Variants in IL1RAPL2 observed in about 807,000 individuals in gnomAD.
IL1RAPL2 encodes the protein interleukin 1 receptor accessory protein like 2, also known as X-linked interleukin-1 receptor accessory protein-like 2.
A neutral mutation model predicts 44.1 loss-of-function variants in IL1RAPL2; 3 were observed. The observed-to-expected ratio is 0.07, with a 90% CI of 0.03 to 0.18. IL1RAPL2 has a LOEUF of 0.18. Among genes scored for constraint, IL1RAPL2 ranks in the 10% least tolerant of loss-of-function variants. IL1RAPL2 has a pLI of 1.00. For missense variants in IL1RAPL2, 391 were observed against 496.4 expected, an observed-to-expected ratio of 0.79 and a Z score of 2.02; for synonymous variants, 181 against 178.8, an observed-to-expected ratio of 1.01 and a Z score of -0.10.
intron 2 of IL1RAPL2, among the ~76,000 whole-genome samples, chrX:105,032,392 C>T (rs1291586082): frequency 4.6e-5 from 5 of 108,530 alleles, no homozygotes; most frequent in Admixed American, 2.0e-4. Flanking sequence ...CTACACACTG[C>T]TTTGAATGTG....
At chrX:105,731,227 A>G (rs145753335) in intron 7 of IL1RAPL2, among the ~76,000 whole-genome samples, 1,645 of 111,478 alleles carry the variant, frequency 0.015, 8 homozygotes, top group Non-Finnish European at 0.023. Context: ...AAAGATTATC[A>G]GAAACTACTA....
chrX:105,230,023 T>A (rs903389188), intron 3 of IL1RAPL2, among the ~76,000 whole-genome samples: 4 of 111,832 alleles, frequency 3.6e-5, no homozygotes, highest in African/African-American at 1.3e-4. Context: ...GGTCTCAATC[T>A]CCTGACCTCG....
chrX:104,797,743 G>A (rs990964734), intron 2 of IL1RAPL2, among the ~76,000 whole-genome samples: 2 of 112,039 alleles, frequency 1.8e-5, no homozygotes, highest in Non-Finnish European at 3.8e-5. Flanking sequence ...AGTATTGCTG[G>A]TTAGCCTTCT....
intron 2 of IL1RAPL2, among the ~76,000 whole-genome samples, chrX:104,721,351 A>G (rs1256954856): frequency 9.0e-6 from 1 of 111,246 alleles, no homozygotes; most frequent in Non-Finnish European, 1.9e-5. Context: ...ATGCAGCTAT[A>G]GGAGGGAGTG....
At position 105,542,576 on chromosome X, in the gene IL1RAPL2, G is replaced by C. The variant is rs5962546; in HGVS notation, c.772+58189G>C. 1.9e-3 allele frequency among the ~76,000 whole-genome samples: 209 copies of C among 110,956 alleles called. 2 individuals carry two copies. The highest frequency in any genetic ancestry group is 6.6e-3 in the African/African-American group (203 of 30,656). ...TCCTTTCTTCCCCTTTCCCAGAGGTGTAGTGGAAGAGAAAGGGTGGGATCA... is the reference window on the plus strand; with the variant it reads ...TCCTTTCTTCCCCTTTCCCAGAGGTCTAGTGGAAGAGAAAGGGTGGGATCA... On this transcript the variant is annotated intron_variant, in intron 6 of 10. Coordinates refer to ENST00000372582, the MANE Select transcript of IL1RAPL2 (RefSeq NM_017416.2).
At chrX:104,841,723 C>G (rs758610444) in intron 2 of IL1RAPL2, among the ~76,000 whole-genome samples, 1 of 111,941 alleles carries the variant, frequency 8.9e-6, no homozygotes, top group African/African-American at 3.2e-5. Context: ...GTCCCCCACT[C>G]TCTTCTGGCT....
intron 2 of IL1RAPL2, among the ~76,000 whole-genome samples, chrX:104,977,446 C>T (rs1373802792): frequency 8.9e-6 from 1 of 111,971 alleles, no homozygotes; most frequent in East Asian, 2.8e-4. Flanking sequence ...AGCTCTGCAG[C>T]TTTTGGTTGC....
intron 2 of IL1RAPL2, among the ~76,000 whole-genome samples, chrX:104,944,940 T>G (rs1925303664): frequency 8.9e-6 from 1 of 111,832 alleles, no homozygotes; most frequent in Non-Finnish European, 1.9e-5. Flanking sequence ...CTTATTTCTG[T>G]TAACTGTAAA....
intron 1 of IL1RAPL2, among the ~76,000 whole-genome samples, chrX:104,568,252 G>A (rs1255003559): frequency 6.3e-5 from 7 of 110,643 alleles, no homozygotes; most frequent in Non-Finnish European, 7.6e-5. Flanking sequence ...TTAAACATGC[G>A]GCATAGCTGG....
At chrX:104,642,267 GTTC>G (rs1319535958) in intron 1 of IL1RAPL2, among the ~76,000 whole-genome samples, 1 of 111,434 alleles carries the variant, frequency 9.0e-6, no homozygotes, top group Non-Finnish European at 1.9e-5. Flanking sequence ...CACTATTTTC[GTTC>G]TTCTAAGTGG....
intron 2 of IL1RAPL2, among the ~76,000 whole-genome samples, chrX:105,149,857 A>T (rs1396146131): frequency 9.1e-6 from 1 of 110,071 alleles, no homozygotes; most frequent in Non-Finnish European, 1.9e-5. Flanking sequence ...TAAATAAATA[A>T]ATAAATAATA....
At chrX:104,834,476 A>G (rs1337672498) in intron 2 of IL1RAPL2, among the ~76,000 whole-genome samples, 1 of 111,535 alleles carries the variant, frequency 9.0e-6, no homozygotes, top group Non-Finnish European at 1.9e-5. Flanking sequence ...AACACCCACT[A>G]CAAAACTTCA....
chrX:105,087,884 T>C (rs886937264), intron 2 of IL1RAPL2, among the ~76,000 whole-genome samples: 22 of 112,271 alleles, frequency 2.0e-4, no homozygotes, highest in Middle Eastern at 4.6e-3. Flanking sequence ...GTGTTCTTGA[T>C]TTCTTCAATT....
intron 2 of IL1RAPL2, among the ~76,000 whole-genome samples, chrX:104,668,482 C>T (rs1397271486): frequency 6.1e-5 from 5 of 81,700 alleles, no homozygotes; most frequent in Non-Finnish European, 9.3e-5. Context: ...CCCCCTCCCC[C>T]CACCGCACAA....
At chrX:104,696,909 A>G (rs1447057336) in intron 2 of IL1RAPL2, among the ~76,000 whole-genome samples, 1 of 111,879 alleles carries the variant, frequency 8.9e-6, no homozygotes, top group African/African-American at 3.3e-5. Context: ...TAGATTTGGC[A>G]CACCGTCTAG....
intron 6 of IL1RAPL2, among the ~76,000 whole-genome samples, chrX:105,625,823 A>G (rs890654090): frequency 1.8e-5 from 2 of 111,486 alleles, no homozygotes; most frequent in Non-Finnish European, 3.8e-5. Flanking sequence ...AAAAAAATCA[A>G]TGTTCCGGCA....
At chrX:104,959,532 C>CT (rs779476614) in intron 2 of IL1RAPL2, among the ~76,000 whole-genome samples, 13 of 111,548 alleles carry the variant, frequency 1.2e-4, no homozygotes, top group East Asian at 5.6e-4. Context: ...TAAAAATAGA[C>CT]TTTTTTTCTA....
At chrX:105,169,258 A>G (rs1410407460) in intron 2 of IL1RAPL2, among the ~76,000 whole-genome samples, 2 of 110,628 alleles carry the variant, frequency 1.8e-5, no homozygotes, top group African/African-American at 6.6e-5. Flanking sequence ...TCCAGAGTAC[A>G]ATTTATTCAG....
At chrX:105,466,799 A>G (rs1010240384) in intron 5 of IL1RAPL2, among the ~76,000 whole-genome samples, 3 of 111,508 alleles carry the variant, frequency 2.7e-5, no homozygotes, top group African/African-American at 9.8e-5. Flanking sequence ...AAAAGAAAAG[A>G]CATTTATTTC....
Sources: gnomAD v4.1 joint callset for allele counts (sites outside exome capture counted in the v4.1 genomes callset) on GRCh38, gnomAD v4.1.1 for gene constraint, MANE v1.5 for transcripts, NCBI Gene and HGNC (gene_info 2026-07-23, HGNC 2026-07-21) for gene names.